Variants in ANO1 observed in about 807,000 individuals in gnomAD.
The protein encoded by ANO1 is anoctamin-1.
In ANO1, 59 loss-of-function variants were observed where a neutral mutation model predicts 124.0. The ratio of observed to expected loss-of-function variants is 0.48; its 90% confidence interval spans 0.39 to 0.59. The LOEUF is 0.59. ANO1 is among the 20% of genes least tolerant of loss of function. ANO1 has a pLI of 0.00. For synonymous variants in ANO1, 529 were observed against 532.0 expected, an observed-to-expected ratio of 0.99 and a Z score of 0.08; for missense variants, 1,059 against 1,328.0, an observed-to-expected ratio of 0.80 and a Z score of 3.15.
intron 1 of ANO1, among the ~76,000 whole-genome samples, chr11:69,986,552 G>A (rs1856046096): frequency 1.3e-5 from 2 of 152,176 alleles, no homozygotes; most frequent in Admixed American, 1.3e-4. Flanking sequence ...GTTTTCGGAT[G>A]TTTTTACAGG....
intron 17 of ANO1, 28 bp downstream of exon 17, chr11:70,161,390 G>T (rs2048038761): frequency 6.2e-7 from 1 of 1,608,532 alleles, no homozygotes; most frequent in African/African-American, 1.3e-5. Flanking sequence ...AGGTACTGTG[G>T]CCTGGACTCA....
intron 19 of ANO1, among the ~76,000 whole-genome samples, chr11:70,164,099 C>A (rs567724401): frequency 6.6e-6 from 1 of 152,266 alleles, no homozygotes; most frequent in East Asian, 1.9e-4. Flanking sequence ...CTGGTTGTGC[C>A]AGCCTGGTTC....
the ANO1 span, among the ~76,000 whole-genome samples, chr11:69,969,874 G>A: frequency 1.3e-5 from 2 of 152,254 alleles, no homozygotes; most frequent in South Asian, 2.1e-4. Context: ...TTGAACCTGG[G>A]GGGCAGAGGT....
At chr11:70,143,994 C>T (rs1176130922) in intron 11 of ANO1, among the ~76,000 whole-genome samples, 3 of 152,100 alleles carry the variant, frequency 2.0e-5, no homozygotes, top group Non-Finnish European at 4.4e-5. Flanking sequence ...CCCTTTCCCC[C>T]AACCCCAGCC....
intron 1 of ANO1, among the ~76,000 whole-genome samples, chr11:70,026,444 G>T (rs537720013): frequency 6.6e-6 from 1 of 150,966 alleles, no homozygotes; most frequent in African/African-American, 2.4e-5. Context: ...GGTGGTGGTG[G>T]TGATGACAAT....
intron 1 of ANO1, chr11:70,018,468 G>T (rs1856740614): frequency 6.6e-6 from 1 of 152,208 alleles, no homozygotes; most frequent in Non-Finnish European, 1.5e-5. Flanking sequence ...CTCAAGCCGT[G>T]AGTGGAGGTG....
upstream of ANO1, among the ~76,000 whole-genome samples, chr11:69,981,719 C>T (rs1311688264): frequency 3.3e-5 from 5 of 152,242 alleles, no homozygotes; most frequent in Non-Finnish European, 7.3e-5. Flanking sequence ...CCCAGCCCCA[C>T]CCCAGCCCCT....
intron 1 of ANO1, among the ~76,000 whole-genome samples, chr11:70,080,822 G>A (rs922527281): frequency 1.2e-4 from 19 of 152,202 alleles, no homozygotes; most frequent in African/African-American, 3.1e-4. Flanking sequence ...AGCATCTGCC[G>A]GTAGATGGCC....
the ANO1 span, among the ~76,000 whole-genome samples, chr11:69,980,477 C>T: frequency 9.2e-5 from 14 of 151,530 alleles, no homozygotes; most frequent in South Asian, 2.1e-4. Flanking sequence ...AAAAATTAGC[C>T]GGGCGTGGTG....
At chr11:70,152,538 C>T in intron 13 of ANO1, 77 bp downstream of exon 13, 3 of 1,520,782 alleles carry the variant, frequency 2.0e-6, no homozygotes, top group Non-Finnish European at 2.7e-6. Flanking sequence ...TGCACCTAAT[C>T]TCTTTCTACC....
intron 1 of ANO1, among the ~76,000 whole-genome samples, chr11:70,022,990 G>A (rs1565163021): frequency 6.6e-6 from 1 of 152,190 alleles, no homozygotes; most frequent in African/African-American, 2.4e-5. Context: ...ATGGAGGCAG[G>A]GGCCACAAGG....
At chr11:70,035,244 G>A (rs1363668999) in intron 1 of ANO1, among the ~76,000 whole-genome samples, 3 of 152,164 alleles carry the variant, frequency 2.0e-5, no homozygotes, top group Non-Finnish European at 4.4e-5. Context: ...CAGGAGGATT[G>A]TGTCCACCCA....
Position 70,179,961 on chromosome 11 carries a change from A to G in ANO1, c.2351-43A>G, listed in dbSNP as rs1441497466. ...TGCTGCCTGGTAGCTGGAATGACTG[A>G]GAGTGTAGGGCTCTTTAAAACTGTG... On this transcript the variant is annotated intron_variant, in intron 22 of 25. Transcript: ENST00000355303. 1.7e-5 allele frequency: 27 copies of G among 1,570,744 alleles called. No homozygotes were observed. The East Asian group carries it at 4.3e-4, about 25-fold the overall frequency.
chr11:69,982,078 G>C (rs928562631), upstream of ANO1, among the ~76,000 whole-genome samples: 8 of 152,192 alleles, frequency 5.3e-5, no homozygotes, highest in Non-Finnish European at 1.0e-4. Context: ...GTACTCTGCG[G>C]GAATGGGAAT....
upstream of ANO1, among the ~76,000 whole-genome samples, chr11:70,075,927 G>A (rs1189934863): frequency 2.6e-5 from 4 of 152,178 alleles, no homozygotes; most frequent in Admixed American, 2.0e-4. Flanking sequence ...CTATTTTGGG[G>A]GGCTATTGTT....
chr11:70,104,462 C>T lies in ANO1; in HGVS notation c.692+312C>T, dbSNP rs114588360. ...GCTCCGCACCCCTGCCCCGCCACCC[C>T]ATCCCCCTCCAGTGTCTGGCCAACC... On this transcript the variant is annotated intron_variant, in intron 4 of 25. Transcript: ENST00000355303. Among the ~76,000 whole-genome samples, 156 of 152,312 alleles carry T rather than the reference C, an allele frequency of 1.0e-3. 1 individual carries two copies. Among genetic ancestry groups the T allele is most frequent in the African/African-American group, 3.6e-3 (149 of 41,578 alleles).
At position 70,165,587 on chromosome 11, in the gene ANO1, G is replaced by A. The variant is rs1220571240; in HGVS notation, c.2051+17G>A. 1 of 1,601,386 alleles carries A rather than the reference G, an allele frequency of 6.2e-7. No homozygotes were observed. Among genetic ancestry groups the A allele is most frequent in the Non-Finnish European group, 8.5e-7 (1 of 1,172,624 alleles). On this transcript the variant is annotated intron_variant, in intron 20 of 25. Transcript: ENST00000355303. ...CGGCATCCCGTGAGTGTGCTGCAGC[G>A]GGTTAGAGCGGCAGGGGCGGGGCCA...
chr11:70,035,035 C>T (rs1239542257), intron 1 of ANO1, among the ~76,000 whole-genome samples: 1 of 152,022 alleles, frequency 6.6e-6, no homozygotes, highest in Non-Finnish European at 1.5e-5. Context: ...CCCCATGGGA[C>T]TCGGTGCTGT....
At chr11:70,033,885 C>A (rs1857049947) in intron 1 of ANO1, among the ~76,000 whole-genome samples, 1 of 152,108 alleles carries the variant, frequency 6.6e-6, no homozygotes, top group African/African-American at 2.4e-5. Flanking sequence ...GTCTGTGTCA[C>A]CATCTTGAAC....
Sources: allele counts gnomAD v4.1 joint callset (sites outside exome capture counted in the v4.1 genomes callset), GRCh38; gene constraint gnomAD v4.1.1; transcripts MANE v1.5; gene names NCBI Gene and HGNC (gene_info 2026-07-23, HGNC 2026-07-21).